ASB4: variants seen among roughly 807,000 people sequenced by gnomAD.
ASB4 encodes ankyrin repeat and SOCS box protein 4.
In ASB4, 35 loss-of-function variants were observed where a neutral mutation model predicts 38.6. That is an observed-to-expected ratio of 0.91 (90% CI 0.69 to 1.20). The LOEUF (loss-of-function observed/expected upper bound fraction) is 1.20. Ranked by LOEUF, ASB4 falls within the 50% of genes most tolerant of loss-of-function variation. The pLI, the probability that ASB4 is intolerant of heterozygous loss-of-function variation, is 0.00. For missense variants in ASB4, 557 were observed against 527.2 expected (o/e 1.06, Z -0.55); for synonymous variants, 195 against 201.3 (o/e 0.97, Z 0.26).
the ASB4 span, among the ~76,000 whole-genome samples, chr7:95,473,122 T>C: frequency 3.9e-5 from 6 of 152,078 alleles, no homozygotes; most frequent in South Asian, 1.2e-3. Flanking sequence ...GAGCAGAAAC[T>C]AGGAGAGAAA....
Position 95,515,316 on chromosome 7 carries a change from T to TTCCTTC in ASB4, c.488-12497_488-12496insTCCTTC, listed in dbSNP as rs1562817356. On this transcript the variant is annotated intron_variant, in intron 2 of 4. Transcript: ENST00000325885. ...TTCTTTCTTTCTTTCTTTCTTTCTT[T>TTCCTTC]CTTCCTTCCTTCCTTCCTTTCTTTC... 8.5e-3 allele frequency among the ~76,000 whole-genome samples: 811 copies of TTCCTTC among 95,810 alleles called. 10 individuals carry two copies. Among genetic ancestry groups the TTCCTTC allele is most frequent in the East Asian group, 0.038 (123 of 3,224 alleles). The allele number at this position is 95,810 out of a possible 152,430, so 62.9% of individuals were successfully genotyped here. A position where few individuals can be genotyped will look rare whatever the true frequency, so the allele number is the denominator to read the frequency against.
the ASB4 span, among the ~76,000 whole-genome samples, chr7:95,548,300 T>G: frequency 6.6e-6 from 1 of 152,248 alleles, no homozygotes; most frequent in Non-Finnish European, 1.5e-5. Flanking sequence ...TCATTTGTAT[T>G]TCTCTGAGGG....
At chr7:95,540,404 G>A (rs1352188658), downstream of ASB4, among the ~76,000 whole-genome samples, 1 of 152,192 alleles carries the variant, frequency 6.6e-6, no homozygotes, top group Non-Finnish European at 1.5e-5. Context: ...AAAGTAAAGG[G>A]TAACTGTGGC....
upstream of ASB4, among the ~76,000 whole-genome samples, chr7:95,482,966 T>G (rs1790034089): frequency 6.6e-6 from 1 of 152,186 alleles, no homozygotes; most frequent in Non-Finnish European, 1.5e-5. Flanking sequence ...CCTTGGGAAC[T>G]CCATTCCTTA....
At chr7:95,546,060 T>C in the ASB4 span, among the ~76,000 whole-genome samples, 82,328 of 152,062 alleles carry the variant, frequency 0.54, 23,290 homozygotes, top group East Asian at 0.82. Flanking sequence ...CTCCTCCCTG[T>C]CACTTAATAT....
rs1165190284 is a variant in ASB4, at chr7:95,538,801, T to C, written c.*1042T>C. ...GCATAGGAAAATGGGGGAAAGAAAG[T>C]GTGTGAGGGGACCTAGTTGATTACT... On this transcript the variant is annotated 3_prime_UTR_variant, in exon 5 of 5. Transcript: ENST00000325885. 6.6e-6 allele frequency: 1 copy of C among 152,012 alleles called. No individual in the cohort carries two copies. The highest frequency in any genetic ancestry group is 1.5e-5 in the Non-Finnish European group (1 of 67,986). The allele number at this position is 152,012 out of a possible 1,614,324, so 9.4% of individuals were successfully genotyped here. A position where few individuals can be genotyped will look rare whatever the true frequency, so the allele number is the denominator to read the frequency against.
At chr7:95,497,662 G>A (rs1262854998) in intron 2 of ASB4, among the ~76,000 whole-genome samples, 1 of 152,124 alleles carries the variant, frequency 6.6e-6, no homozygotes, top group Non-Finnish European at 1.5e-5. Flanking sequence ...ATCTTAAAAA[G>A]TTTCCTGATG....
At chr7:95,498,485 T>C (rs1790283492) in intron 2 of ASB4, among the ~76,000 whole-genome samples, 1 of 152,212 alleles carries the variant, frequency 6.6e-6, no homozygotes, top group Non-Finnish European at 1.5e-5. Context: ...TTGCCATCTG[T>C]ATATTATTTA....
At chr7:95,549,827 G>A in the ASB4 span, among the ~76,000 whole-genome samples, 1 of 152,120 alleles carries the variant, frequency 6.6e-6, no homozygotes, top group Non-Finnish European at 1.5e-5. Flanking sequence ...GGGCTTGTCA[G>A]GCCAAGCTGA....
At chr7:95,527,232 G>GGTT (rs1233187321) in intron 2 of ASB4, among the ~76,000 whole-genome samples, 1 of 152,004 alleles carries the variant, frequency 6.6e-6, no homozygotes, top group Non-Finnish European at 1.5e-5. Flanking sequence ...TGGTGGTGGT[G>GGTT]GTGCTGCGTT....
At position 95,495,905 on chromosome 7, in the gene ASB4, A is replaced by G; in HGVS notation, c.335A>G (p.His112Arg). ...NCRPNGKTPL[H>R]VACEMANVDC... Reference sequence around the variant, plus strand: ...AGACCCAATGGGAAAACCCCTCTTCACGTGGCTTGTGAAATGGCCAATGTG... The same window carrying G: ...AGACCCAATGGGAAAACCCCTCTTCGCGTGGCTTGTGAAATGGCCAATGTG... The change falls in exon 2 of 5, where the codon CAC becomes CGC. Residue 112 changes from histidine to arginine, a missense_variant. His to Arg is a conservative substitution (Grantham distance 29). Transcript: ENST00000325885. 6.2e-7 allele frequency: 1 copy of G among 1,614,120 alleles called. No individual in the cohort carries two copies. The highest frequency in any genetic ancestry group is 8.5e-7 in the Non-Finnish European group (1 of 1,180,016).
intron 4 of ASB4, 40 bp downstream of exon 4, chr7:95,536,590 G>A: frequency 1.3e-5 from 19 of 1,454,532 alleles, no homozygotes; most frequent in Non-Finnish European, 1.7e-5. Context: ...TCACTATCAA[G>A]TACTTCCAGA....
At chr7:95,510,806 T>C (rs1239547494) in intron 2 of ASB4, among the ~76,000 whole-genome samples, 1 of 152,194 alleles carries the variant, frequency 6.6e-6, no homozygotes, top group African/African-American at 2.4e-5. Flanking sequence ...TCTGGATGTG[T>C]TATCTTTGTT....
intron 1 of ASB4, among the ~76,000 whole-genome samples, chr7:95,490,543 T>C (rs1234807216): frequency 6.6e-6 from 1 of 152,350 alleles, no homozygotes; most frequent in East Asian, 1.9e-4. Flanking sequence ...CCACGAGCAG[T>C]GTGTGTAACC....
In ASB4 at chr7:95,493,981, T is replaced by A. The variant is rs146119455; in HGVS notation, c.188-1777T>A. On this transcript the variant is annotated intron_variant, in intron 1 of 4. Coordinates refer to ENST00000325885, the MANE Select transcript of ASB4 (RefSeq NM_016116.3). The stretch of plus-strand genomic sequence containing the variant: ...AACAATGCTGTAGTGTAGTGCATGT[T>A]CTTGTATGTAGACCAGGTTGTCAAG... Among the ~76,000 whole-genome samples, 10 of 152,358 alleles carry A rather than the reference T, an allele frequency of 6.6e-5. No homozygotes were observed. The East Asian group carries it at 1.9e-3, about 29-fold the overall frequency.
Position 95,536,624 on chromosome 7 carries a change from G to T in ASB4, c.1092+74G>T, listed in dbSNP as rs968875953. Reference sequence around the variant, plus strand: ...GACTGCTCTAGAAGTACAGAAAATTGTAACAAAAAAGTTGGTTTTGAGAAT... The same window carrying T: ...GACTGCTCTAGAAGTACAGAAAATTTTAACAAAAAAGTTGGTTTTGAGAAT... On this transcript the variant is annotated intron_variant, in intron 4 of 4. Transcript: ENST00000325885. 23 of 1,132,732 alleles carry T rather than the reference G, an allele frequency of 2.0e-5. No individual in the cohort carries two copies. The African/African-American group carries it at 3.5e-4, about 17-fold the overall frequency. 70.2% of individuals were successfully genotyped at this position (1,132,732 alleles called of 1,614,324 possible).
At chr7:95,537,149 T>A (rs148832527) in intron 4 of ASB4, among the ~76,000 whole-genome samples, 84 of 152,296 alleles carry the variant, frequency 5.5e-4, no homozygotes, top group Middle Eastern at 3.4e-3. Context: ...GGCTTGGAGG[T>A]CTGTGGCTTA....
downstream of ASB4, among the ~76,000 whole-genome samples, chr7:95,541,698 T>C (rs1790972650): frequency 6.6e-6 from 1 of 152,186 alleles, no homozygotes; most frequent in Non-Finnish European, 1.5e-5. Context: ...TATTTTACTA[T>C]GGAAAAATTT....
intron 3 of ASB4, among the ~76,000 whole-genome samples, chr7:95,535,385 G>T (rs1034873370): frequency 4.6e-5 from 7 of 152,232 alleles, no homozygotes; most frequent in Admixed American, 2.6e-4. Flanking sequence ...AACACCAAGT[G>T]AAAGGGGCTT....
Sources: gnomAD v4.1 joint callset for allele counts (sites outside exome capture counted in the v4.1 genomes callset) on GRCh38, gnomAD v4.1.1 for gene constraint, MANE v1.5 for transcripts, NCBI Gene and HGNC (gene_info 2026-07-23, HGNC 2026-07-21) for gene names.